PMS1: variants seen among roughly 807,000 people sequenced by gnomAD.
PMS1 encodes the protein PMS1 homolog 1, mismatch repair system component, also known as PMS1 protein homolog 1.
Under a neutral mutation model 93.1 loss-of-function variants are expected in PMS1, and 79 were observed. That is an observed-to-expected ratio of 0.85 (90% CI 0.71 to 1.02). The LOEUF (loss-of-function observed/expected upper bound fraction) is 1.02. Among genes scored for constraint, PMS1 ranks in the 50% least tolerant of loss-of-function variants. The probability of loss-of-function intolerance (pLI) is 0.00; values close to 1 mark genes in which losing one functional copy is unlikely to be tolerated. For synonymous variants in PMS1, 335 were observed against 363.4 expected (o/e 0.92, Z 0.89); for missense variants, 1,064 against 1,085.3 (o/e 0.98, Z 0.28).
In PMS1 at chr2:189,798,589, C is replaced by T. The variant is rs145041254; in HGVS notation, c.315+2638C>T. Among the ~76,000 whole-genome samples, 104 of 152,192 alleles carry T rather than the reference C, an allele frequency of 6.8e-4. 1 individual carries two copies. In the East Asian group the frequency reaches 0.016, roughly 23 times the overall value. ...ATTGGGCATTGTCCGTTTTTCTCCTCAAGACTATAAATGGGAATCCACAAC... is the reference window on the plus strand; with the variant it reads ...ATTGGGCATTGTCCGTTTTTCTCCTTAAGACTATAAATGGGAATCCACAAC... On this transcript the variant is annotated intron_variant, in intron 3 of 12. Transcript: ENST00000441310.
At chr2:189,833,538 C>T (rs1203566061) in intron 5 of PMS1, among the ~76,000 whole-genome samples, 1 of 152,092 alleles carries the variant, frequency 6.6e-6, no homozygotes, top group African/African-American at 2.4e-5. Context: ...GCTGAGATCA[C>T]GCCATTGCAC....
chr2:189,854,092 T>C lies in PMS1; in HGVS notation c.966+10T>C. 1.3e-6 allele frequency: 2 copies of C among 1,560,478 alleles called. No homozygotes were observed. The highest frequency in any genetic ancestry group is 1.8e-6 in the Non-Finnish European group (2 of 1,142,316). On this transcript the variant is annotated intron_variant, in intron 8 of 12. Coordinates refer to ENST00000441310, the MANE Select transcript of PMS1 (RefSeq NM_000534.5). ...ATTATTACAAAATAAGGTAACTCTTTTCAGATAATTTTTTCTTATGCTATT... is the reference window on the plus strand; with the variant it reads ...ATTATTACAAAATAAGGTAACTCTTCTCAGATAATTTTTTCTTATGCTATT...
Position 189,844,089 on chromosome 2 carries a change from C to T in PMS1, c.699+9C>T. 1 of 1,613,156 alleles carries T rather than the reference C, an allele frequency of 6.2e-7. No individual in the cohort carries two copies. ...ACTCTGAAGAATCTCAGGTATACTGCAAAAACATTCTCAGATAATTCTGAT... is the reference window on the plus strand; with the variant it reads ...ACTCTGAAGAATCTCAGGTATACTGTAAAAACATTCTCAGATAATTCTGAT... On this transcript the variant is annotated intron_variant, in intron 6 of 12. Transcript: ENST00000441310.
intron 4 of PMS1, chr2:189,806,042 G>A (rs1238060954): frequency 2.5e-6 from 2 of 807,710 alleles, no homozygotes; most frequent in African/African-American, 3.5e-5. Context: ...GATTACCAGT[G>A]TCATCTTCAT....
chr2:189,795,863 C>T lies in PMS1; in HGVS notation c.227C>T (p.Ser76Leu). Residue 76 changes from serine to leucine, a missense_variant, in exon 3 of 13, where the codon TCA becomes TTA. Coordinates refer to ENST00000441310, the MANE Select transcript of PMS1 (RefSeq NM_000534.5). ...GTAATGGCAATGAAGTACTACACCT[C>T]AAAAATAAATAGTCATGAAGATCTT... ...APVMAMKYYT[S>L]KINSHEDLEN... The T allele has an allele frequency of 6.2e-7, 1 of 1,613,010 alleles. No homozygotes were observed. The highest frequency in any genetic ancestry group is 8.5e-7 in the Non-Finnish European group (1 of 1,179,054).
At chr2:189,859,670 T>G (rs2106485306) in intron 9 of PMS1, among the ~76,000 whole-genome samples, 1 of 152,316 alleles carries the variant, frequency 6.6e-6, no homozygotes, top group East Asian at 1.9e-4. Flanking sequence ...CTACCCAGTG[T>G]AATTTTTTTT....
At chr2:189,824,721 T>TTA (rs1410851728) in intron 5 of PMS1, among the ~76,000 whole-genome samples, 3 of 152,104 alleles carry the variant, frequency 2.0e-5, no homozygotes, top group African/African-American at 4.8e-5. Flanking sequence ...GTATTAGCTA[T>TTA]TATAGAGAGA....
At chr2:189,809,467 T>C in intron 4 of PMS1, among the ~76,000 whole-genome samples, 1 of 146,834 alleles carries the variant, frequency 6.8e-6, no homozygotes, top group Non-Finnish European at 1.5e-5. Context: ...TTTTTTTTTT[T>C]TTTTTTTGCT....
chr2:189,854,238 G>C lies in PMS1; in HGVS notation c.967-1G>C, dbSNP rs1369466722. The C allele has an allele frequency of 6.3e-7, 1 of 1,578,804 alleles. No individual in the cohort carries two copies. The highest frequency in any genetic ancestry group is 8.6e-7 in the Non-Finnish European group (1 of 1,160,206). On this transcript the variant is annotated splice_acceptor_variant, in intron 8 of 12. Transcript: ENST00000441310. LOFTEE classifies it high-confidence loss of function. ...TAACATTTGTTAATTTGTATTTTTA[G>C]GAATCTGTTTTAATTGCTCTTGAAA...
chr2:189,851,069 G>A lies in PMS1; in HGVS notation c.700-1586G>A, dbSNP rs151252740. ...TTGTTGCACTGATTTGGTGTCTCAA[G>A]TTATTTTTCCATGAACTGGCCTGAT... On this transcript the variant is annotated intron_variant, in intron 6 of 12. Coordinates refer to ENST00000441310, the MANE Select transcript of PMS1 (RefSeq NM_000534.5). 3.3e-3 allele frequency among the ~76,000 whole-genome samples: 509 copies of A among 152,254 alleles called. 2 individuals carry two copies. Among genetic ancestry groups the A allele is most frequent in the African/African-American group, 0.011 (472 of 41,556 alleles).
intron 5 of PMS1, among the ~76,000 whole-genome samples, chr2:189,842,204 A>C (rs921593767): frequency 6.6e-6 from 1 of 151,906 alleles, no homozygotes; most frequent in Non-Finnish European, 1.5e-5. Context: ...CTCACTCAAC[A>C]TTGGAAACAT....
chr2:189,807,486 G>T (rs1372932652), intron 4 of PMS1, among the ~76,000 whole-genome samples: 1 of 152,164 alleles, frequency 6.6e-6, no homozygotes, highest in Admixed American at 6.6e-5. Flanking sequence ...ATATTTGAGT[G>T]GCTATCCAGT....
chr2:189,817,916 C>T, intron 4 of PMS1, 101 bp from the exon 5 acceptor site: 1 of 861,636 alleles, frequency 1.2e-6, no homozygotes, highest in South Asian at 1.4e-5. Flanking sequence ...GAGGAGGAGA[C>T]CTTCAGTTAT....
intron 11 of PMS1, among the ~76,000 whole-genome samples, chr2:189,872,195 T>A (rs2057210069): frequency 6.6e-6 from 1 of 152,168 alleles, no homozygotes; most frequent in Non-Finnish European, 1.5e-5. Flanking sequence ...TAATGCTTGA[T>A]AATATAATAT....
In PMS1 at chr2:189,791,876, A is replaced by G; in HGVS notation, c.67A>G (p.Ser23Gly). 6.2e-7 allele frequency: 1 copy of G among 1,613,692 alleles called. No individual in the cohort carries two copies. Among genetic ancestry groups the G allele is most frequent in the Non-Finnish European group, 8.5e-7 (1 of 1,179,600 alleles). ...TTCTCAGATCATCACTTCGGTGGTC[A>G]GTGTTGTAAAAGAGCTTATTGAAAA... ...SSSQIITSVV[S>G]VVKELIENSL... The change falls in exon 2 of 13, where the codon AGT becomes GGT. Residue 23 changes from serine (S) to glycine (G), a missense_variant. Transcript: ENST00000441310.
chr2:189,827,912 G>A (rs2052576648), intron 5 of PMS1, among the ~76,000 whole-genome samples: 1 of 145,038 alleles, frequency 6.9e-6, no homozygotes, highest in African/African-American at 2.7e-5. Flanking sequence ...GGAAAAATAA[G>A]GTTTTGTTTG....
In PMS1 at chr2:189,790,480, G is replaced by C. The variant is rs1195609540; in HGVS notation, c.-20-1310G>C. ...TGAGCTTTCGGTGATCTACTGTAAT[G>C]AGTTTGGACCAAGATGTAGTTGGCA... On this transcript the variant is annotated intron_variant, in intron 1 of 12. Coordinates refer to ENST00000441310, the MANE Select transcript of PMS1 (RefSeq NM_000534.5). 3.3e-5 allele frequency among the ~76,000 whole-genome samples: 5 copies of C among 152,302 alleles called. No homozygotes were observed. The East Asian group carries it at 9.6e-4, about 29-fold the overall frequency.
chr2:189,814,925 G>A (rs1393597206), intron 4 of PMS1, among the ~76,000 whole-genome samples: 2 of 151,772 alleles, frequency 1.3e-5, no homozygotes, highest in East Asian at 1.9e-4. Context: ...GTGAAACCCC[G>A]TCTCTACCAA....
At chr2:189,808,258 G>A (rs1337385460) in intron 4 of PMS1, among the ~76,000 whole-genome samples, 1 of 151,956 alleles carries the variant, frequency 6.6e-6, no homozygotes, top group East Asian at 1.9e-4. Context: ...TGTAGGTACG[G>A]GAACAACTTA....
Sources: gnomAD v4.1 joint callset for allele counts (sites outside exome capture counted in the v4.1 genomes callset) on GRCh38, gnomAD v4.1.1 for gene constraint, MANE v1.5 for transcripts, NCBI Gene and HGNC (gene_info 2026-07-23, HGNC 2026-07-21) for gene names.